PTPRB: variants seen among roughly 807,000 people sequenced by gnomAD.
PTPRB encodes the protein protein tyrosine phosphatase receptor type B, also known as receptor-type tyrosine-protein phosphatase beta.
PTPRB carries 97 observed loss-of-function variants against 238.1 expected under a neutral mutation model. The observed-to-expected ratio is 0.41, with a 90% CI of 0.35 to 0.48. PTPRB has a LOEUF of 0.48. Among genes scored for constraint, PTPRB ranks in the 20% least tolerant of loss-of-function variants. PTPRB has a pLI of 0.30. For missense variants in PTPRB, 2,292 were observed against 2,681.9 expected, an observed-to-expected ratio of 0.85 and a Z score of 3.21; for synonymous variants, 970 against 995.4, an observed-to-expected ratio of 0.97 and a Z score of 0.48.
intron 3 of PTPRB, among the ~76,000 whole-genome samples, chr12:70,617,100 T>C (rs756311391): frequency 4.6e-5 from 7 of 152,244 alleles, no homozygotes; most frequent in Non-Finnish European, 8.8e-5. Context: ...GTTAACTATA[T>C]GTTCACAAAA....
chr12:70,560,550 A>G lies in PTPRB; in HGVS notation c.4432+121T>C. Reference sequence around the variant, plus strand: ...TGTCCCACAGTCCCTTCCCAAATTCAGGGGCTAGCTCAGGGTATATCATTA... The same window carrying G: ...TGTCCCACAGTCCCTTCCCAAATTCGGGGGCTAGCTCAGGGTATATCATTA... On this transcript the variant is annotated intron_variant, in intron 17 of 33. Coordinates refer to ENST00000334414, the MANE Select transcript of PTPRB (RefSeq NM_001109754.4). This position sits in a 1 kb window ranked among gnomAD's most constrained non-coding sequence, Gnocchi z 4.2. 1 of 1,313,534 alleles carries G rather than the reference A, an allele frequency of 7.6e-7. No individual in the cohort carries two copies. The highest frequency in any genetic ancestry group is 1.0e-6 in the Non-Finnish European group (1 of 967,230). The allele number at this position is 1,313,534 out of a possible 1,614,324, so 81.4% of individuals were successfully genotyped here. A position where few individuals can be genotyped will look rare whatever the true frequency, so the allele number is the denominator to read the frequency against.
At chr12:70,622,255 T>C in intron 3 of PTPRB, 135 bp downstream of exon 3, 1 of 1,287,616 alleles carries the variant, frequency 7.8e-7, no homozygotes, top group Non-Finnish European at 1.1e-6. Context: ...CCTGTACAAT[T>C]AGCAGCCAGG....
At position 70,536,098 on chromosome 12, in the gene PTPRB, T is replaced by C. The variant is rs1360148040; in HGVS notation, c.6008A>G (p.Asp2003Gly). 2 of 1,613,908 alleles carry C rather than the reference T, an allele frequency of 1.2e-6. No homozygotes were observed. The highest frequency in any genetic ancestry group is 1.7e-5 in the Admixed American group (1 of 60,004). ...TTGTTCCCACACCATTTTCCAGAAGTCATCCTTGGTGCCAGGAAGCGGTCC... is the reference window on the plus strand; with the variant it reads ...TTGTTCCCACACCATTTTCCAGAAGCCATCCTTGGTGCCAGGAAGCGGTCC... ...TQGPLPGTKD[D>G]FWKMVWEQNV... is the part of the protein sequence containing the mutation. The change falls in exon 29 of 34, where the codon GAC becomes GGC. Residue 2003 changes from aspartate to glycine, a missense_variant. Asp to Gly is a moderately conservative substitution (Grantham distance 94, BLOSUM62 -1). Transcript: ENST00000334414.
Position 70,555,044 on chromosome 12 carries a change from A to G in PTPRB, c.5143+116T>C, listed in dbSNP as rs1370980237. ...TCCAGCAGAGAGAGGGGTGAATGAT[A>G]CAAAAATTACATTTTCTACTTAAGT... On this transcript the variant is annotated intron_variant, in intron 20 of 33. Coordinates refer to ENST00000334414, the MANE Select transcript of PTPRB (RefSeq NM_001109754.4). 5 of 1,257,588 alleles carry G rather than the reference A, an allele frequency of 4.0e-6. No homozygotes were observed. The East Asian group carries it at 1.2e-4, about 30-fold the overall frequency. The allele number at this position is 1,257,588 out of a possible 1,614,324, so 77.9% of individuals were successfully genotyped here.
intron 5 of PTPRB, among the ~76,000 whole-genome samples, chr12:70,595,222 C>A (rs1226702228): frequency 6.6e-6 from 1 of 152,084 alleles, no homozygotes; most frequent in Non-Finnish European, 1.5e-5. Context: ...ACTGCATGTT[C>A]TCACTCATAA....
At chr12:70,558,872 C>T (rs1878077622) in intron 18 of PTPRB, 1 of 172,284 alleles carries the variant, frequency 5.8e-6, no homozygotes, top group African/African-American at 2.4e-5. Flanking sequence ...TCTTTCTGTT[C>T]CCCTATTGGT....
rs371952914 is a variant in PTPRB, at chr12:70,590,124, G to C, written c.1890C>G (p.Leu630=). ...AGDWEQYRIL[L]FNDSVVLLNI... ...TGAGCAGCACCACAGAATCATTGAA[G>C]AGTAGGATCCGATACTGCTCCCAGT... Residue 630 remains leucine (L), a synonymous_variant, in exon 8 of 34, where the codon CTC becomes CTG. Coordinates refer to ENST00000334414, the MANE Select transcript of PTPRB (RefSeq NM_001109754.4). The C allele has an allele frequency of 3.9e-5, 63 of 1,613,972 alleles. No homozygotes were observed. The African/African-American group carries it at 7.6e-4, about 19-fold the overall frequency.
chr12:70,521,576 A>C, intron 33 of PTPRB, 65 bp from the exon 34 acceptor site: 1 of 1,377,378 alleles, frequency 7.3e-7, no homozygotes, highest in Non-Finnish European at 9.6e-7. Flanking sequence ...TACGCTGTTT[A>C]TGAAAATTAC....
chr12:70,632,010 G>T (rs1180264212), intron 2 of PTPRB, among the ~76,000 whole-genome samples: 7 of 152,206 alleles, frequency 4.6e-5, no homozygotes, highest in African/African-American at 2.4e-5. Context: ...CACTGTGGAA[G>T]ACAGTGTGGT....
chr12:70,583,067 T>G (rs573456643), intron 9 of PTPRB, among the ~76,000 whole-genome samples: 1 of 152,272 alleles, frequency 6.6e-6, no homozygotes, highest in African/African-American at 2.4e-5. Context: ...ATGTACTACA[T>G]GCTGAGAACA....
Position 70,575,676 on chromosome 12 carries a change from T to C in PTPRB, c.2842+706A>G, listed in dbSNP as rs1880607066. ...CAACCCATAGCTTAGTAGGAAACAT[T>C]TGACAATGTATTGATGCCAACCTTA... On this transcript the variant is annotated intron_variant, in intron 11 of 33. Transcript: ENST00000334414. Among the ~76,000 whole-genome samples the C allele has an allele frequency of 2.0e-5, 3 of 152,316 alleles. No homozygotes were observed. The East Asian group carries it at 5.8e-4, about 29-fold the overall frequency.
At chr12:70,621,668 A>C (rs895833224) in intron 3 of PTPRB, among the ~76,000 whole-genome samples, 1 of 152,252 alleles carries the variant, frequency 6.6e-6, no homozygotes, top group African/African-American at 2.4e-5. Context: ...GTGAAGTCAT[A>C]TGACTTCTAT....
At chr12:70,600,684 G>A (rs1883399013) in intron 4 of PTPRB, among the ~76,000 whole-genome samples, 1 of 151,906 alleles carries the variant, frequency 6.6e-6, no homozygotes, top group Non-Finnish European at 1.5e-5. Context: ...TACTTTGAAA[G>A]CCTTCTAAGT....
intron 11 of PTPRB, among the ~76,000 whole-genome samples, chr12:70,574,622 G>A (rs1880482810): frequency 6.6e-6 from 1 of 152,208 alleles, no homozygotes; most frequent in Non-Finnish European, 1.5e-5. Context: ...GTGAGATGAT[G>A]TGATACAGAA....
Position 70,552,952 on chromosome 12 carries a change from A to G in PTPRB, c.5212T>C (p.Ser1738Pro). 1 of 1,613,882 alleles carries G rather than the reference A, an allele frequency of 6.2e-7. No homozygotes were observed. Among genetic ancestry groups the G allele is most frequent in the Non-Finnish European group, 8.5e-7 (1 of 1,179,832 alleles). The change falls in exon 21 of 34, where the codon TCC (serine) becomes CCC (proline). Residue 1738 changes from serine to proline, a missense_variant. Coordinates refer to ENST00000334414, the MANE Select transcript of PTPRB (RefSeq NM_001109754.4). The stretch of plus-strand genomic sequence containing the variant: ...TAATTAGTCTGATACACCCGAATGG[A>G]GGCATTGTGCCTGTACTCCAGGTAG... ...PSYLEYRHNA[S>P]IRVYQTNYFA... is the part of the protein sequence containing the mutation.
intron 22 of PTPRB, chr12:70,543,175 T>C (rs1875438891): frequency 1.3e-5 from 2 of 152,168 alleles, no homozygotes; most frequent in African/African-American, 2.4e-5. Flanking sequence ...AGCTATTTTC[T>C]AATCCAAGGT....
At chr12:70,563,742 G>T (rs56180653) in intron 15 of PTPRB, among the ~76,000 whole-genome samples, 8,259 of 152,158 alleles carry the variant, frequency 0.054, 566 homozygotes, top group African/African-American at 0.17. Context: ...GAACTCTGGA[G>T]TTTTGCTTGA....
chr12:70,594,998 T>C (rs1291786398), intron 5 of PTPRB, among the ~76,000 whole-genome samples: 2 of 151,898 alleles, frequency 1.3e-5, no homozygotes, highest in East Asian at 1.9e-4. Flanking sequence ...GTATATAACA[T>C]TGCACAGCAG....
At position 70,571,850 on chromosome 12, in the gene PTPRB, GCTT is replaced by G; in HGVS notation, c.3077_3079del (p.Glu1026del). ...TGTTCTCCCATTCCCTTGTTCATTG[GCTT>G]CATATTGTCCACTTTTTGTAGTAAC... On this transcript the variant is annotated inframe_deletion, in exon 12 of 34. Transcript: ENST00000334414. The G allele has an allele frequency of 6.2e-7, 1 of 1,613,834 alleles. No individual in the cohort carries two copies. Among genetic ancestry groups the G allele is most frequent in the Non-Finnish European group, 8.5e-7 (1 of 1,179,804 alleles).
Sources: allele counts gnomAD v4.1 joint callset (sites outside exome capture counted in the v4.1 genomes callset), GRCh38; gene constraint gnomAD v4.1.1; non-coding constraint Gnocchi (gnomAD v3.1); transcripts MANE v1.5; gene names NCBI Gene and HGNC (gene_info 2026-07-23, HGNC 2026-07-21).